Variants in CRTAM observed in about 807,000 individuals in gnomAD.
CRTAM encodes the protein cytotoxic and regulatory T cell molecule, also known as cytotoxic and regulatory T-cell molecule.
A neutral mutation model predicts 50.0 loss-of-function variants in CRTAM; 44 were observed. The ratio of observed to expected loss-of-function variants is 0.88; its 90% CI spans 0.69 to 1.13. CRTAM has a LOEUF of 1.13. Ranked by LOEUF, CRTAM falls within the 50% of genes most tolerant of loss-of-function variation. The probability of loss-of-function intolerance (pLI) is 0.00; values close to 1 mark genes in which losing one functional copy is unlikely to be tolerated. For synonymous variants in CRTAM, 159 were observed against 169.3 expected (o/e 0.94, Z 0.47); for missense variants, 448 against 457.5 (o/e 0.98, Z 0.19).
At chr11:122,870,413 C>A (rs1041277881) in intron 9 of CRTAM, among the ~76,000 whole-genome samples, 1 of 152,138 alleles carries the variant, frequency 6.6e-6, no homozygotes, top group African/African-American at 2.4e-5. Flanking sequence ...AGTACCTGCA[C>A]GACTCAGGGG....
chr11:122,839,261 G>A (rs1452379828), intron 1 of CRTAM, among the ~76,000 whole-genome samples: 1 of 152,174 alleles, frequency 6.6e-6, no homozygotes, highest in Non-Finnish European at 1.5e-5. Context: ...TTTCCTTGCT[G>A]TATAAATCTT....
rs1380786207 is a variant in CRTAM at position 122,871,375 on chromosome 11, C to T, written c.1158C>T (p.Ile386=). 1 of 1,613,576 alleles carries T rather than the reference C, an allele frequency of 6.2e-7. No homozygotes were observed. Among genetic ancestry groups the T allele is most frequent in the Non-Finnish European group, 8.5e-7 (1 of 1,179,810 alleles). Reference sequence around the variant, plus strand: ...ATTCAAAATTAGAAGAAAAGCACATCCAAGTACCAGAGAGTATTGTGTAGT... The same window carrying T: ...ATTCAAAATTAGAAGAAAAGCACATTCAAGTACCAGAGAGTATTGTGTAGT... ...VQHSKLEEKH[I]QVPESIV is the part of the protein sequence containing the mutation. The change falls in exon 10 of 10, where the codon ATC becomes ATT. Residue 386 remains isoleucine (I), a synonymous_variant. Transcript: ENST00000227348.
At chr11:122,847,887 G>A (rs1861885110) in intron 1 of CRTAM, among the ~76,000 whole-genome samples, 3 of 152,198 alleles carry the variant, frequency 2.0e-5, no homozygotes, top group Admixed American at 6.5e-5. Context: ...AGGGCATAAG[G>A]GCTTGGACGC....
chr11:122,868,273 G>A (rs1214495335), intron 9 of CRTAM, among the ~76,000 whole-genome samples, 174 bp downstream of exon 9: 1 of 150,054 alleles, frequency 6.7e-6, no homozygotes, highest in East Asian at 2.0e-4. Flanking sequence ...TGGCTCATGA[G>A]ATTATGGAGG....
intron 9 of CRTAM, among the ~76,000 whole-genome samples, chr11:122,869,814 A>C (rs1382383599): frequency 6.6e-6 from 1 of 152,210 alleles, no homozygotes; most frequent in Non-Finnish European, 1.5e-5. Flanking sequence ...AAGGAACACA[A>C]GAGAATTGAC....
intron 1 of CRTAM, among the ~76,000 whole-genome samples, chr11:122,840,904 A>G (rs1256852277): frequency 6.6e-6 from 1 of 152,168 alleles, no homozygotes; most frequent in African/African-American, 2.4e-5. Context: ...AAAATGAAGC[A>G]TTTTTCAAAA....
intron 1 of CRTAM, among the ~76,000 whole-genome samples, chr11:122,841,795 T>C (rs1298113644): frequency 1.3e-5 from 2 of 152,194 alleles, no homozygotes; most frequent in Non-Finnish European, 2.9e-5. Context: ...ATAAGGAGTT[T>C]GTAATCTATC....
At chr11:122,868,316 T>C (rs1862208743) in intron 9 of CRTAM, among the ~76,000 whole-genome samples, 1 of 151,406 alleles carries the variant, frequency 6.6e-6, no homozygotes, top group Non-Finnish European at 1.5e-5. Context: ...GTCTGCAAAC[T>C]GGAGACCCTG....
chr11:122,852,999 A>G (rs551095328), intron 3 of CRTAM, among the ~76,000 whole-genome samples: 2 of 152,258 alleles, frequency 1.3e-5, no homozygotes, highest in African/African-American at 4.8e-5. Context: ...AAGCAAGCCT[A>G]ACTAAAAAGT....
At chr11:122,845,538 C>T (rs1477382171) in intron 1 of CRTAM, among the ~76,000 whole-genome samples, 1 of 151,984 alleles carries the variant, frequency 6.6e-6, no homozygotes, top group African/African-American at 2.4e-5. Flanking sequence ...AACTCCGTCT[C>T]TGTACTAAAA....
intron 1 of CRTAM, among the ~76,000 whole-genome samples, chr11:122,841,690 G>A (rs367607782): frequency 7.6e-4 from 115 of 152,030 alleles, no homozygotes; most frequent in Non-Finnish European, 1.4e-3. Context: ...GTGAGCCACC[G>A]AGCCCGGCCT....
intron 4 of CRTAM, among the ~76,000 whole-genome samples, chr11:122,855,456 C>G (rs924569801): frequency 2.0e-5 from 3 of 152,124 alleles, no homozygotes; most frequent in African/African-American, 7.2e-5. Context: ...ATCAAGCTGT[C>G]CTTCTTAAGC....
intron 1 of CRTAM, among the ~76,000 whole-genome samples, chr11:122,844,817 T>G (rs1861842526): frequency 2.0e-5 from 3 of 152,250 alleles, no homozygotes; most frequent in Non-Finnish European, 2.9e-5. Flanking sequence ...CAAAAGCTGC[T>G]TAACCTCTGA....
intron 1 of CRTAM, among the ~76,000 whole-genome samples, chr11:122,841,420 A>G (rs1273195978): frequency 7.9e-5 from 8 of 101,812 alleles, no homozygotes; most frequent in Admixed American, 1.9e-4. Flanking sequence ...TTTTTTTTTG[A>G]GACAGAGTCT....
intron 1 of CRTAM, among the ~76,000 whole-genome samples, chr11:122,844,861 C>T (rs1861842852): frequency 6.6e-6 from 1 of 152,224 alleles, no homozygotes; most frequent in Non-Finnish European, 1.5e-5. Context: ...ATGGGAATAA[C>T]AACACCTTCT....
chr11:122,841,525 C>T (rs964250710), intron 1 of CRTAM, among the ~76,000 whole-genome samples: 6 of 151,814 alleles, frequency 4.0e-5, no homozygotes, highest in Admixed American at 1.3e-4. Flanking sequence ...CTCAGCCTCC[C>T]GAGTAGCTGG....
intron 7 of CRTAM, among the ~76,000 whole-genome samples, chr11:122,866,252 G>A (rs914143313): frequency 3.9e-5 from 6 of 152,062 alleles, no homozygotes; most frequent in African/African-American, 7.2e-5. Flanking sequence ...GGTGGAAGAG[G>A]AGACCTCCTC....
intron 1 of CRTAM, among the ~76,000 whole-genome samples, chr11:122,847,070 A>G (rs140164751): frequency 2.4e-4 from 37 of 152,340 alleles, no homozygotes; most frequent in Admixed American, 8.5e-4. Flanking sequence ...CATGCTTACT[A>G]TGGACTAAGT....
chr11:122,862,248 G>A, intron 5 of CRTAM: 1 of 569,140 alleles, frequency 1.8e-6, no homozygotes. Flanking sequence ...GGTCCAGCAT[G>A]CTGTGCTTTA....
Sources: gnomAD v4.1 joint callset for allele counts (sites outside exome capture counted in the v4.1 genomes callset) on GRCh38, gnomAD v4.1.1 for gene constraint, MANE v1.5 for transcripts, NCBI Gene and HGNC (gene_info 2026-07-23, HGNC 2026-07-21) for gene names.